Variants in PCDHGA3 observed in about 807,000 individuals in gnomAD.
PCDHGA3 encodes the protein protocadherin gamma subfamily A, 3, also known as protocadherin gamma-A3.
In PCDHGA3, 40 loss-of-function variants were observed where a neutral mutation model predicts 58.5. The observed-to-expected ratio is 0.68, with a 90% confidence interval of 0.53 to 0.89. PCDHGA3 has a LOEUF of 0.89. Ranked by LOEUF, PCDHGA3 falls within the 40% of genes least tolerant of loss-of-function variation. The pLI is 0.00. For missense variants in PCDHGA3, 1,223 were observed against 1,195.9 expected (o/e 1.02, Z -0.33); for synonymous variants, 530 against 525.7 (o/e 1.01, Z -0.11).
chr5:141,345,465 G>T lies in PCDHGA3; in HGVS notation c.1432G>T (p.Asp478Tyr). The T allele has an allele frequency of 6.2e-7, 1 of 1,614,000 alleles. No homozygotes were observed. Among genetic ancestry groups the T allele is most frequent in the Non-Finnish European group, 8.5e-7 (1 of 1,180,010 alleles). ...CTCCATCTTCTCAGTGACAGCCCAG[G>T]ACCCAGATAGCAACAACAACGCCCG... ...GASIFSVTAQDPDSNNNARIT... is the reference protein window; with the variant it reads ...GASIFSVTAQYPDSNNNARIT... The change falls in exon 1 of 4, where the codon GAC becomes TAC. Residue 478 changes from aspartate to tyrosine, a missense_variant. Asp to Tyr is a radical substitution (Grantham distance 160, BLOSUM62 -3). Around this residue, in one of 3 missense-constraint regions of PCDHGA3, gnomAD observed 791 missense variants for 708.5 expected, o/e 1.12. Coordinates refer to ENST00000253812, the MANE Select transcript of PCDHGA3 (RefSeq NM_018916.4).
rs767842302 is a variant in PCDHGA3 at position 141,381,979 on chromosome 5, G to A, written c.2424+35522G>A. Among the ~76,000 whole-genome samples the A allele has an allele frequency of 2.6e-5, 4 of 151,486 alleles. 1 individual carries two copies. Among genetic ancestry groups the A allele is most frequent in the East Asian group, 3.9e-4 (2 of 5,156 alleles). On this transcript the variant is annotated intron_variant, in intron 1 of 3. Transcript: ENST00000253812. ...TGAGTAGCTGGGATTACAGGCGCGCGCCACCACGCCCGGATAATTTTGTAT... is the reference window on the plus strand; with the variant it reads ...TGAGTAGCTGGGATTACAGGCGCGCACCACCACGCCCGGATAATTTTGTAT...
chr5:141,372,384 T>G, intron 1 of PCDHGA3: 1 of 1,613,990 alleles, frequency 6.2e-7, no homozygotes, highest in Non-Finnish European at 8.5e-7. Flanking sequence ...GCACCTAATC[T>G]TCGCAGATAG....
chr5:141,447,119 A>AT (rs2098526425), intron 1 of PCDHGA3, among the ~76,000 whole-genome samples: 1 of 150,848 alleles, frequency 6.6e-6, no homozygotes, highest in South Asian at 2.1e-4. Flanking sequence ...TGCTCCATGG[A>AT]TTTTTTTGTT....
chr5:141,423,299 C>T (rs1225422770), intron 1 of PCDHGA3: 2 of 1,614,128 alleles, frequency 1.2e-6, no homozygotes, highest in Non-Finnish European at 1.7e-6. Context: ...TCAGACCTCT[C>T]GCTGTACTTG....
chr5:141,496,533 G>A (rs2099769399), intron 2 of PCDHGA3, among the ~76,000 whole-genome samples: 2 of 152,176 alleles, frequency 1.3e-5, no homozygotes, highest in Admixed American at 1.3e-4. Context: ...GTGTATGGCA[G>A]AGATTCCAGC....
intron 1 of PCDHGA3, chr5:141,370,131 T>C (rs1459064446): frequency 2.5e-6 from 1 of 401,420 alleles, no homozygotes; most frequent in African/African-American, 2.0e-5. Context: ...TATTTGGAGC[T>C]GATTTAGTCA....
At chr5:141,460,795 G>A (rs1007673184) in intron 1 of PCDHGA3, among the ~76,000 whole-genome samples, 3 of 151,492 alleles carry the variant, frequency 2.0e-5, no homozygotes, top group African/African-American at 4.9e-5. Flanking sequence ...TACACACAAA[G>A]TATATATATG....
chr5:141,418,740 T>C, intron 1 of PCDHGA3: 1 of 1,613,972 alleles, frequency 6.2e-7, no homozygotes, highest in Admixed American at 1.7e-5. Context: ...GTGTTCTCTC[T>C]GGATTACACT....
chr5:141,441,840 C>T (rs2098278154), intron 1 of PCDHGA3: 1 of 355,864 alleles, frequency 2.8e-6, no homozygotes, highest in Non-Finnish European at 5.5e-6. Flanking sequence ...GCTTCGCGCT[C>T]TTGGATATGG....
At chr5:141,510,334 C>G (rs1463634534) in intron 3 of PCDHGA3, among the ~76,000 whole-genome samples, 1 of 151,448 alleles carries the variant, frequency 6.6e-6, no homozygotes, top group African/African-American at 2.4e-5. Context: ...TCTTCACCCC[C>G]ACCCCACACA....
At chr5:141,394,097 A>C in intron 1 of PCDHGA3, 1 of 1,613,932 alleles carries the variant, frequency 6.2e-7, no homozygotes, top group South Asian at 1.1e-5. Context: ...CAGATCTAGG[A>C]ACACCACCTC....
intron 1 of PCDHGA3, chr5:141,414,597 C>G: frequency 6.2e-7 from 1 of 1,613,972 alleles, no homozygotes; most frequent in South Asian, 1.1e-5. Context: ...GGGGTGCCTC[C>G]ATCTTCTCAG....
chr5:141,402,845 C>T (rs1273253699), intron 1 of PCDHGA3: 3 of 1,405,122 alleles, frequency 2.1e-6, no homozygotes, highest in Non-Finnish European at 2.8e-6. Flanking sequence ...AAAACTCAGC[C>T]TCTTTCTTCT....
chr5:141,492,206 G>A (rs1180294159), intron 1 of PCDHGA3, among the ~76,000 whole-genome samples: 2 of 152,204 alleles, frequency 1.3e-5, no homozygotes, highest in Non-Finnish European at 2.9e-5. Context: ...TTAGGTGTGC[G>A]CGCGGGGCTC....
chr5:141,418,699 C>A, intron 1 of PCDHGA3: 1 of 1,614,014 alleles, frequency 6.2e-7, no homozygotes, highest in Non-Finnish European at 8.5e-7. Context: ...TCACTTATTC[C>A]TTCTTTGGTG....
chr5:141,457,416 C>T (rs1378171092), intron 1 of PCDHGA3, among the ~76,000 whole-genome samples: 1 of 152,172 alleles, frequency 6.6e-6, no homozygotes, highest in Non-Finnish European at 1.5e-5. Flanking sequence ...ATTACCCATC[C>T]CTTTTTCCCC....
At chr5:141,407,114 T>C (rs1309229793) in intron 1 of PCDHGA3, among the ~76,000 whole-genome samples, 1 of 152,228 alleles carries the variant, frequency 6.6e-6, no homozygotes, top group Non-Finnish European at 1.5e-5. Flanking sequence ...ATTATTTGGG[T>C]TTCAGTTGCT....
chr5:141,345,126 GAAA>G lies in PCDHGA3; in HGVS notation c.1094_1096del (p.Glu365_Ile366delinsVal). The G allele has an allele frequency of 6.2e-7, 1 of 1,614,002 alleles. No individual in the cohort carries two copies. Among genetic ancestry groups the G allele is most frequent in the Non-Finnish European group, 8.5e-7 (1 of 1,179,892 alleles). On this transcript the variant is annotated inframe_deletion, in exon 1 of 4. Coordinates refer to ENST00000253812, the MANE Select transcript of PCDHGA3 (RefSeq NM_018916.4). The stretch of plus-strand genomic sequence containing the variant: ...CCCAGAAGAGGGCACCGTTGGAAGA[GAAA>G]TTGCTCTTATCGACGTGCATGACCG...
chr5:141,376,522 G>A (rs767035645), intron 1 of PCDHGA3: 18 of 1,613,784 alleles, frequency 1.1e-5, no homozygotes, highest in Non-Finnish European at 1.5e-5. Flanking sequence ...GTTTCTTTCC[G>A]CCTAAGCGGG....
Sources: gnomAD v4.1 joint callset for allele counts (sites outside exome capture counted in the v4.1 genomes callset) on GRCh38, gnomAD v4.1.1 for gene constraint, gnomAD v4.1.1 regional missense constraint, MANE v1.5 for transcripts, NCBI Gene and HGNC (gene_info 2026-07-23, HGNC 2026-07-21) for gene names.